The following TTC27 variants were observed in gnomAD, a reference collection of about 807,000 sequenced individuals.
TTC27 encodes tetratricopeptide repeat protein 27.
Under a neutral mutation model 115.9 loss-of-function variants are expected in TTC27, and 79 were observed. The ratio of observed to expected loss-of-function variants is 0.68; its 90% CI spans 0.57 to 0.82. TTC27 has a LOEUF of 0.82. Among genes scored for constraint, TTC27 ranks in the 40% least tolerant of loss-of-function variants. The pLI, the probability that TTC27 is intolerant of heterozygous loss-of-function variation, is 0.00. For missense variants in TTC27, 1,054 were observed against 993.1 expected, an observed-to-expected ratio of 1.06 and a Z score of -0.82; for synonymous variants, 401 against 356.0, an observed-to-expected ratio of 1.13 and a Z score of -1.42.
At chr2:32,664,616 G>A (rs985880042) in intron 6 of TTC27, 149 bp downstream of exon 6, 160 of 679,836 alleles carry the variant, frequency 2.4e-4, no homozygotes, top group Non-Finnish European at 2.5e-4. Flanking sequence ...CAAATTTATA[G>A]TTTATAACAA....
Position 32,758,480 on chromosome 2 carries a change from A to G in TTC27, c.1641A>G (p.Val547=). ...HLRNKEFQEC[V]ECFERSVKIN... is the part of the protein sequence containing the mutation. ...GGAACAAGGAGTTTCAAGAGTGTGT[A>G]GAGTGCTTCGAACGCTCGGTTAAGA... The change falls in exon 13 of 20, where the codon GTA becomes GTG. Residue 547 remains valine, a synonymous_variant. Transcript: ENST00000317907. The G allele has an allele frequency of 1.2e-6, 2 of 1,614,224 alleles. No individual in the cohort carries two copies. Among genetic ancestry groups the G allele is most frequent in the Non-Finnish European group, 1.7e-6 (2 of 1,180,030 alleles).
chr2:32,753,592 G>T (rs1388364822), intron 12 of TTC27, among the ~76,000 whole-genome samples: 1 of 151,964 alleles, frequency 6.6e-6, no homozygotes, highest in East Asian at 2.0e-4. Context: ...TGGGATTACA[G>T]GCATGTGCCA....
intron 18 of TTC27, among the ~76,000 whole-genome samples, chr2:32,814,248 T>G (rs1249558745): frequency 6.6e-6 from 1 of 152,184 alleles, no homozygotes; most frequent in African/African-American, 2.4e-5. Flanking sequence ...GGAAAAATCT[T>G]TATTTTGCAT....
chr2:32,697,183 C>A (rs1330347552), intron 9 of TTC27, among the ~76,000 whole-genome samples: 1 of 122,506 alleles, frequency 8.2e-6, no homozygotes, highest in Non-Finnish European at 1.9e-5. Context: ...TAGAGTGAGA[C>A]CCTGTCTCAA....
chr2:32,812,271 T>C (rs1006832297), intron 17 of TTC27, among the ~76,000 whole-genome samples: 1 of 152,224 alleles, frequency 6.6e-6, no homozygotes, highest in Admixed American at 6.5e-5. Context: ...TATATCTTTC[T>C]GGTTACAGGG....
intron 7 of TTC27, 60 bp downstream of exon 7, chr2:32,666,828 C>T: frequency 9.6e-6 from 15 of 1,566,284 alleles, no homozygotes; most frequent in Non-Finnish European, 1.3e-5. Flanking sequence ...ATTTCAATAG[C>T]TGAGTACCAT....
intron 16 of TTC27, among the ~76,000 whole-genome samples, chr2:32,803,575 T>C (rs924725414): frequency 7.9e-5 from 12 of 152,288 alleles, no homozygotes; most frequent in African/African-American, 2.6e-4. Context: ...CTTTTTCAGA[T>C]CATTAACTTT....
chr2:32,636,146 A>G (rs1664415369), intron 3 of TTC27, among the ~76,000 whole-genome samples: 2 of 152,192 alleles, frequency 1.3e-5, no homozygotes, highest in African/African-American at 2.4e-5. Context: ...TTAGAAATCC[A>G]CCAAACAGCC....
At chr2:32,669,263 G>A (rs528387379) in intron 7 of TTC27, among the ~76,000 whole-genome samples, 4 of 152,216 alleles carry the variant, frequency 2.6e-5, no homozygotes, top group African/African-American at 4.8e-5. Context: ...AAACTGTTGG[G>A]ATTATAGGCA....
rs988664705 is a variant in TTC27 at position 32,817,515 on chromosome 2, T to G, written c.2367T>G (p.Ser789=). Residue 789 remains serine (S), a synonymous_variant, in exon 19 of 20, where the codon TCT becomes TCG. Coordinates refer to ENST00000317907, the MANE Select transcript of TTC27 (RefSeq NM_017735.5). ...CCCAAGAAGCTGTACAAATGCTTTC[T>G]TCTGTTCGACTCAATTTACGGGGCT... ...SSSQEAVQML[S]SVRLNLRGLL... is the part of the protein sequence containing the mutation. The G allele has an allele frequency of 6.2e-7, 1 of 1,614,150 alleles. No individual in the cohort carries two copies. Among genetic ancestry groups the G allele is most frequent in the Admixed American group, 1.7e-5 (1 of 60,032 alleles).
At chr2:32,714,793 A>G (rs973102861) in intron 10 of TTC27, among the ~76,000 whole-genome samples, 1 of 152,080 alleles carries the variant, frequency 6.6e-6, no homozygotes, top group Non-Finnish European at 1.5e-5. Context: ...CTATTGTGAG[A>G]TGGTATCTCA....
intron 9 of TTC27, among the ~76,000 whole-genome samples, chr2:32,697,281 T>C (rs971126747): frequency 6.6e-6 from 1 of 152,182 alleles, no homozygotes; most frequent in African/African-American, 2.4e-5. Flanking sequence ...GGTCCATGTA[T>C]TCAGTTACTC....
At position 32,812,545 on chromosome 2, in the gene TTC27, G is replaced by C. The variant is rs755043518; in HGVS notation, c.2238G>C (p.Gln746His). Reference sequence around the variant, plus strand: ...CAAAGGCATACAAGTGTGACACCCAGTCCAATTGTTGGGAGAAAGATATTA... The same window carrying C: ...CAAAGGCATACAAGTGTGACACCCACTCCAATTGTTGGGAGAAAGATATTA... ...CLSKAYKCDTQSNCWEKDITS... is the reference protein window; with the variant it reads ...CLSKAYKCDTHSNCWEKDITS... The change falls in exon 18 of 20, where the codon CAG becomes CAC. Residue 746 changes from glutamine to histidine, a missense_variant. By Grantham distance (24) the Gln-to-His change is conservative. Coordinates refer to ENST00000317907, the MANE Select transcript of TTC27 (RefSeq NM_017735.5). The C allele has an allele frequency of 6.2e-7, 1 of 1,614,104 alleles. No individual in the cohort carries two copies. Among genetic ancestry groups the C allele is most frequent in the East Asian group, 2.2e-5 (1 of 44,876 alleles).
intron 3 of TTC27, among the ~76,000 whole-genome samples, chr2:32,639,569 A>G (rs1664561816): frequency 6.6e-6 from 1 of 152,230 alleles, no homozygotes. Context: ...GGTGTTTAAT[A>G]TAAATATCAA....
chr2:32,628,077 G>A lies in TTC27; in HGVS notation c.-216G>A, dbSNP rs1486965252. Reference sequence around the variant, plus strand: ...TCTCCTAGGCGGAAGCCAGACCAGAGAGCGTGCGTGTTTTTCCCAGGGTGC... The same window carrying A: ...TCTCCTAGGCGGAAGCCAGACCAGAAAGCGTGCGTGTTTTTCCCAGGGTGC... On this transcript the variant is annotated 5_prime_UTR_variant, in exon 1 of 20. Coordinates refer to ENST00000317907, the MANE Select transcript of TTC27 (RefSeq NM_017735.5). The A allele has an allele frequency of 1.8e-6, 1 of 547,162 alleles. No homozygotes were observed. Among genetic ancestry groups the A allele is most frequent in the Non-Finnish European group, 3.2e-6 (1 of 308,598 alleles). 33.9% of individuals were successfully genotyped at this position (547,162 alleles called of 1,614,324 possible).
At position 32,772,142 on chromosome 2, in the gene TTC27, T is replaced by C. The variant is rs115072147; in HGVS notation, c.1681-5740T>C. Among the ~76,000 whole-genome samples, 1,394 of 152,334 alleles carry C rather than the reference T, an allele frequency of 9.2e-3. 12 individuals are homozygous for C. Among genetic ancestry groups the C allele is most frequent in the Middle Eastern group, 0.024 (7 of 294 alleles). On this transcript the variant is annotated intron_variant, in intron 13 of 19. Coordinates refer to ENST00000317907, the MANE Select transcript of TTC27 (RefSeq NM_017735.5). ...AAAGTTATCTATGCCAGTTGTCTAG[T>C]GGTGCTTAGTTTTTGCTAGCCCTCA...
intron 5 of TTC27, among the ~76,000 whole-genome samples, chr2:32,653,609 A>AC (rs1298690989): frequency 6.6e-6 from 1 of 151,236 alleles, no homozygotes; most frequent in Non-Finnish European, 1.5e-5. Context: ...AAAAAAAACA[A>AC]AAAAAAAACA....
chr2:32,701,396 T>C (rs754772110), intron 9 of TTC27, among the ~76,000 whole-genome samples: 90 of 152,342 alleles, frequency 5.9e-4, no homozygotes, highest in Non-Finnish European at 1.2e-3. Context: ...TGAGCACAAG[T>C]TTATTTAGAG....
At chr2:32,678,030 G>A (rs904546340) in intron 8 of TTC27, among the ~76,000 whole-genome samples, 1 of 152,070 alleles carries the variant, frequency 6.6e-6, no homozygotes, top group African/African-American at 2.4e-5. Flanking sequence ...TCTGCGGTGG[G>A]CAATCACTTG....
Sources: allele counts gnomAD v4.1 joint callset (sites outside exome capture counted in the v4.1 genomes callset), GRCh38; gene constraint gnomAD v4.1.1; transcripts MANE v1.5; gene names NCBI Gene and HGNC (gene_info 2026-07-23, HGNC 2026-07-21).